DYNC1I1: variants seen among roughly 807,000 people sequenced by gnomAD.
DYNC1I1 encodes cytoplasmic dynein 1 intermediate chain 1.
DYNC1I1 carries 43 observed loss-of-function variants against 86.6 expected under a neutral mutation model. The observed-to-expected ratio is 0.50, with a 90% CI of 0.39 to 0.64. The LOEUF is 0.64. Ranked by LOEUF, DYNC1I1 falls within the 30% of genes least tolerant of loss-of-function variation. DYNC1I1 has a pLI of 0.00. For missense variants in DYNC1I1, 604 were observed against 788.8 expected (o/e 0.77, Z 2.81); for synonymous variants, 262 against 283.7 (o/e 0.92, Z 0.77).
intron 10 of DYNC1I1, among the ~76,000 whole-genome samples, chr7:96,019,116 T>G (rs1794476484): frequency 6.6e-6 from 1 of 152,172 alleles, no homozygotes; most frequent in South Asian, 2.1e-4. Context: ...TTGTTTGATA[T>G]GTATACATTG....
At chr7:95,937,262 GTTAACCATAGTATATTGGATAC>G (rs149060768) in intron 6 of DYNC1I1, among the ~76,000 whole-genome samples, 2,570 of 152,074 alleles carry the variant, frequency 0.017, 47 homozygotes, top group South Asian at 0.099. Context: ...AGTGACTATA[GTTAACCATAGTATATTGGATAC>G]TTAAAATTTG....
chr7:96,005,992 C>T (rs1430609829), intron 10 of DYNC1I1, among the ~76,000 whole-genome samples: 3 of 152,078 alleles, frequency 2.0e-5, no homozygotes, highest in Non-Finnish European at 2.9e-5. Context: ...GCTTCTCTGG[C>T]AGCAAGGACA....
intron 3 of DYNC1I1, among the ~76,000 whole-genome samples, chr7:95,810,734 T>A (rs949820790): frequency 4.0e-4 from 61 of 152,170 alleles, no homozygotes; most frequent in African/African-American, 1.4e-3. Flanking sequence ...ACTGACTGAT[T>A]AGATGGTCAA....
intron 6 of DYNC1I1, among the ~76,000 whole-genome samples, chr7:95,959,429 C>T (rs1013761115): frequency 1.3e-5 from 2 of 152,000 alleles, no homozygotes; most frequent in Admixed American, 6.6e-5. Flanking sequence ...AGGAGGAGAA[C>T]GGGGAAGGAA....
chr7:96,080,251 T>A, intron 15 of DYNC1I1, 112 bp from the exon 16 acceptor site: 1 of 1,375,728 alleles, frequency 7.3e-7, no homozygotes, highest in Non-Finnish European at 9.7e-7. Context: ...GTGTATTACT[T>A]AATGCACATG....
At chr7:95,871,924 G>A (rs1263867501) in intron 6 of DYNC1I1, among the ~76,000 whole-genome samples, 1 of 152,230 alleles carries the variant, frequency 6.6e-6, no homozygotes, top group Non-Finnish European at 1.5e-5. Flanking sequence ...AGAACCCAAA[G>A]CTAGCTACCA....
At chr7:96,084,047 A>T (rs1002244893) in intron 16 of DYNC1I1, among the ~76,000 whole-genome samples, 46 of 151,166 alleles carry the variant, frequency 3.0e-4, no homozygotes, top group Non-Finnish European at 6.4e-4. Flanking sequence ...ATTTGAGGAG[A>T]TTTTTTTTTA....
chr7:96,044,244 A>G (rs1052635879), intron 14 of DYNC1I1, among the ~76,000 whole-genome samples: 2 of 152,276 alleles, frequency 1.3e-5, no homozygotes, highest in African/African-American at 2.4e-5. Flanking sequence ...AACCTTTAAA[A>G]GGCAGAAAAA....
At chr7:95,985,536 G>A (rs1793568049) in intron 8 of DYNC1I1, among the ~76,000 whole-genome samples, 1 of 152,084 alleles carries the variant, frequency 6.6e-6, no homozygotes, top group Admixed American at 6.6e-5. Context: ...GTCCCTAAAT[G>A]ACTTCCTCTG....
chr7:95,874,025 C>T (rs1312954487), intron 6 of DYNC1I1, among the ~76,000 whole-genome samples: 1 of 152,194 alleles, frequency 6.6e-6, no homozygotes, highest in East Asian at 1.9e-4. Context: ...AATATAGAGA[C>T]TTCAACCTGT....
At chr7:95,969,832 G>C (rs1793118921) in intron 6 of DYNC1I1, among the ~76,000 whole-genome samples, 2 of 152,132 alleles carry the variant, frequency 1.3e-5, no homozygotes, top group South Asian at 2.1e-4. Context: ...GTTAACAGGA[G>C]TGCTCTGTAC....
intron 6 of DYNC1I1, among the ~76,000 whole-genome samples, chr7:95,930,029 A>G (rs751467621): frequency 6.6e-6 from 1 of 152,230 alleles, no homozygotes; most frequent in Non-Finnish European, 1.5e-5. Flanking sequence ...CACGAATGCT[A>G]GAGAAGTAGC....
chr7:96,077,276 T>TGTGTGTGTG (rs1554443206), intron 15 of DYNC1I1, among the ~76,000 whole-genome samples: 2 of 137,260 alleles, frequency 1.5e-5, no homozygotes, highest in African/African-American at 5.5e-5. Flanking sequence ...TGTGTGTGTG[T>TGTGTGTGTG]GGGAGGGGGC....
At chr7:95,807,836 T>C (rs1240236254) in intron 2 of DYNC1I1, among the ~76,000 whole-genome samples, 1 of 152,160 alleles carries the variant, frequency 6.6e-6, no homozygotes, top group Non-Finnish European at 1.5e-5. Flanking sequence ...GATGTTATAT[T>C]TTCCCCTTCA....
At chr7:95,970,789 A>C (rs1254350416) in intron 6 of DYNC1I1, among the ~76,000 whole-genome samples, 1 of 152,192 alleles carries the variant, frequency 6.6e-6, no homozygotes, top group Non-Finnish European at 1.5e-5. Context: ...GTAGAGATAG[A>C]TGCAAAAAAC....
At chr7:95,933,873 A>T (rs1256624048) in intron 6 of DYNC1I1, among the ~76,000 whole-genome samples, 1 of 152,090 alleles carries the variant, frequency 6.6e-6, no homozygotes, top group Non-Finnish European at 1.5e-5. Context: ...GTGGTAAAAG[A>T]TGTAACATAA....
At chr7:96,000,216 A>G (rs574485287) in intron 10 of DYNC1I1, among the ~76,000 whole-genome samples, 4 of 152,212 alleles carry the variant, frequency 2.6e-5, no homozygotes, top group African/African-American at 9.6e-5. Flanking sequence ...CTGGGATTCA[A>G]AATGAAAGCA....
chr7:95,883,973 A>G (rs1316091678), intron 6 of DYNC1I1, among the ~76,000 whole-genome samples: 1 of 152,204 alleles, frequency 6.6e-6, no homozygotes, highest in Non-Finnish European at 1.5e-5. Flanking sequence ...ATTTTAAAAG[A>G]ATAAATTGTT....
chr7:96,109,231 A>G (rs1791267676), intron 16 of DYNC1I1, among the ~76,000 whole-genome samples: 1 of 149,334 alleles, frequency 6.7e-6, no homozygotes. Context: ...TTATTATTAT[A>G]CTTTAAGTTT....
Sources: allele counts gnomAD v4.1 joint callset (sites outside exome capture counted in the v4.1 genomes callset), GRCh38; gene constraint gnomAD v4.1.1; transcripts MANE v1.5; gene names NCBI Gene and HGNC (gene_info 2026-07-23, HGNC 2026-07-21).